The following SFMBT1 variants were observed in gnomAD, a reference collection of about 807,000 sequenced individuals.
SFMBT1 encodes Scm like with four mbt domains 1.
Under a neutral mutation model 108.7 loss-of-function variants are expected in SFMBT1, and 32 were observed. That is an observed-to-expected ratio of 0.29 (90% confidence interval 0.22 to 0.40). SFMBT1 has a LOEUF of 0.40. Among genes scored for constraint, SFMBT1 ranks in the 10% least tolerant of loss-of-function variants. The pLI is 1.00. For synonymous variants in SFMBT1, 348 were observed against 369.5 expected (o/e 0.94, Z 0.67); for missense variants, 816 against 1,059.6 (o/e 0.77, Z 3.19).
At chr3:52,965,804 C>T (rs71299693) in intron 2 of SFMBT1, among the ~76,000 whole-genome samples, 3 of 138,888 alleles carry the variant, frequency 2.2e-5, no homozygotes, top group South Asian at 2.4e-4. Context: ...CAGGAGATCG[C>T]GACCATCCTG....
chr3:53,017,213 G>A (rs969372274), intron 1 of SFMBT1, among the ~76,000 whole-genome samples: 1 of 152,138 alleles, frequency 6.6e-6, no homozygotes, highest in African/African-American at 2.4e-5. Context: ...TGGGATCCAT[G>A]CCTGTCTAAT....
At chr3:53,043,077 T>C (rs917660781) in intron 1 of SFMBT1, 1 of 152,242 alleles carries the variant, frequency 6.6e-6, no homozygotes, top group Non-Finnish European at 1.5e-5. Context: ...CACACAGATA[T>C]CTTTGCAGTA....
chr3:52,978,484 T>C (rs964286933), intron 1 of SFMBT1, among the ~76,000 whole-genome samples: 14 of 152,054 alleles, frequency 9.2e-5, no homozygotes, highest in South Asian at 6.2e-4. Flanking sequence ...CCTACTCCTC[T>C]GGGGGTAACA....
intron 1 of SFMBT1, among the ~76,000 whole-genome samples, chr3:52,993,598 C>T (rs544514500): frequency 6.7e-6 from 1 of 149,836 alleles, no homozygotes; most frequent in African/African-American, 2.4e-5. Flanking sequence ...CTACATATAA[C>T]TCCTAGTAGG....
At chr3:52,926,722 T>C (rs1042834322) in intron 9 of SFMBT1, among the ~76,000 whole-genome samples, 1 of 152,192 alleles carries the variant, frequency 6.6e-6, no homozygotes, top group Non-Finnish European at 1.5e-5. Context: ...ACTGAGGTTC[T>C]TGATGGAAGC....
In SFMBT1 at chr3:52,911,188, G is replaced by A; in HGVS notation, c.1731-10C>T. 6.3e-7 allele frequency: 1 copy of A among 1,588,784 alleles called. No individual in the cohort carries two copies. Among genetic ancestry groups the A allele is most frequent in the Non-Finnish European group, 8.6e-7 (1 of 1,168,194 alleles). ...ACTCTTTCCTTTATATCTGCCATTG[G>A]AAGACATCAGATGCCAAATATATTG... is the stretch of plus-strand genomic sequence containing the variant. On this transcript the variant is annotated splice_polypyrimidine_tract_variant and intron_variant, in intron 16 of 20. Coordinates refer to ENST00000394752, the MANE Select transcript of SFMBT1 (RefSeq NM_016329.4).
At chr3:52,919,519 G>A (rs1270942601) in intron 12 of SFMBT1, among the ~76,000 whole-genome samples, 2 of 152,174 alleles carry the variant, frequency 1.3e-5, no homozygotes, top group African/African-American at 4.8e-5. Flanking sequence ...GGGGTTGATT[G>A]CTAATGAGTA....
chr3:52,954,946 T>C (rs962991056), intron 2 of SFMBT1, among the ~76,000 whole-genome samples: 1 of 151,902 alleles, frequency 6.6e-6, no homozygotes, highest in Non-Finnish European at 1.5e-5. Context: ...GTAGGTACTA[T>C]CTTCAAAATA....
chr3:52,906,811 C>A (rs968186352), intron 19 of SFMBT1, among the ~76,000 whole-genome samples: 1 of 152,166 alleles, frequency 6.6e-6, no homozygotes, highest in Non-Finnish European at 1.5e-5. Flanking sequence ...AATAAGCTAG[C>A]AATGGGGCTT....
At chr3:52,976,265 T>C (rs1704516414) in intron 1 of SFMBT1, among the ~76,000 whole-genome samples, 1 of 152,000 alleles carries the variant, frequency 6.6e-6, no homozygotes, top group Admixed American at 6.6e-5. Context: ...CAAATCAAAA[T>C]AGTGTAATAT....
chr3:52,920,429 C>G, intron 12 of SFMBT1, 108 bp downstream of exon 12: 2 of 775,008 alleles, frequency 2.6e-6, no homozygotes, highest in East Asian at 2.7e-5. Flanking sequence ...AACAGAGAAC[C>G]AGAATGTCAT....
chr3:52,964,276 T>C (rs536778106), intron 2 of SFMBT1, among the ~76,000 whole-genome samples: 1 of 152,324 alleles, frequency 6.6e-6, no homozygotes, highest in South Asian at 2.1e-4. Flanking sequence ...TTTGGGAGGC[T>C]GAGGCAGGAA....
Position 52,926,125 on chromosome 3 carries a change from C to T in SFMBT1, c.1049-12G>A. On this transcript the variant is annotated splice_polypyrimidine_tract_variant and intron_variant, in intron 9 of 20. Coordinates refer to ENST00000394752, the MANE Select transcript of SFMBT1 (RefSeq NM_016329.4). Reference sequence around the variant, plus strand: ...CTGGCTTGGGTAGCCTAGGTGGGGACAAATGAACAATGAGTCACACTACCA... The same window carrying T: ...CTGGCTTGGGTAGCCTAGGTGGGGATAAATGAACAATGAGTCACACTACCA... 6.2e-7 allele frequency: 1 copy of T among 1,606,162 alleles called. No individual in the cohort carries two copies. The highest frequency in any genetic ancestry group is 2.3e-5 in the East Asian group (1 of 43,846).
intron 1 of SFMBT1, among the ~76,000 whole-genome samples, chr3:52,976,489 T>C (rs1369700578): frequency 6.6e-6 from 1 of 151,630 alleles, no homozygotes; most frequent in Non-Finnish European, 1.5e-5. Flanking sequence ...TCCAAGTGAA[T>C]TAAAAGAGAA....
In SFMBT1 at chr3:52,930,405, G is replaced by A. The variant is rs751100746; in HGVS notation, c.821C>T (p.Thr274Ile). The change falls in exon 8 of 21, where the codon ACA becomes ATA. Residue 274 changes from threonine (T) to isoleucine (I), a missense_variant. This residue lies in a region of SFMBT1 where 495 missense variants were observed against 607.4 expected (regional missense o/e 0.81). Coordinates refer to ENST00000394752, the MANE Select transcript of SFMBT1 (RefSeq NM_016329.4). ...FKDKQVIGIH[T>I]FSVNMKLEAV... ...TTCCAATTTCATGTTTACAGAGAAT[G>A]TATGAATGCCAATAACTTGTTTGTC... The A allele has an allele frequency of 2.5e-6, 4 of 1,612,390 alleles. No individual in the cohort carries two copies. The South Asian group carries it at 3.3e-5, about 13-fold the overall frequency.
At chr3:52,949,831 G>A (rs950635751) in intron 3 of SFMBT1, among the ~76,000 whole-genome samples, 2 of 151,896 alleles carry the variant, frequency 1.3e-5, no homozygotes, top group Admixed American at 1.3e-4. Context: ...CACTCATCTC[G>A]GCCTCCCAAA....
At chr3:52,926,134 A>C in intron 9 of SFMBT1, 21 bp from the exon 10 acceptor site, 1 of 1,602,672 alleles carries the variant, frequency 6.2e-7, no homozygotes, top group Non-Finnish European at 8.5e-7. Context: ...ACAAATGAAC[A>C]ATGAGTCACA....
chr3:53,031,848 G>A (rs1463416718), intron 1 of SFMBT1, among the ~76,000 whole-genome samples: 6 of 152,140 alleles, frequency 3.9e-5, no homozygotes. Context: ...CTGGGAGTAG[G>A]TTCACAGGTT....
intron 3 of SFMBT1, among the ~76,000 whole-genome samples, chr3:52,944,205 A>ATGTT (rs1703283233): frequency 1.3e-5 from 2 of 152,232 alleles, no homozygotes; most frequent in Non-Finnish European, 1.5e-5. Flanking sequence ...ACATTAAATA[A>ATGTT]ATATACTATG....
Sources: gnomAD v4.1 joint callset for allele counts (sites outside exome capture counted in the v4.1 genomes callset) on GRCh38, gnomAD v4.1.1 for gene constraint, gnomAD v4.1.1 regional missense constraint, MANE v1.5 for transcripts, NCBI Gene and HGNC (gene_info 2026-07-23, HGNC 2026-07-21) for gene names.